Variants in RIMBP2 observed in about 807,000 individuals in gnomAD.
RIMBP2 encodes RIMS-binding protein 2.
Under a neutral mutation model 118.6 loss-of-function variants are expected in RIMBP2, and 48 were observed. The ratio of observed to expected loss-of-function variants is 0.40; its 90% CI spans 0.32 to 0.51. RIMBP2 has a LOEUF of 0.51. Ranked by LOEUF, RIMBP2 falls within the 20% of genes least tolerant of loss-of-function variation. The probability of loss-of-function intolerance (pLI) is 0.41; values close to 1 mark genes in which losing one functional copy is unlikely to be tolerated. For missense variants in RIMBP2, 1,551 were observed against 1,768.3 expected (o/e 0.88, Z 2.20); for synonymous variants, 762 against 742.9 (o/e 1.03, Z -0.42).
intron 2 of RIMBP2, among the ~76,000 whole-genome samples, chr12:130,566,023 C>A (rs116753851): frequency 2.6e-5 from 4 of 152,204 alleles, no homozygotes; most frequent in African/African-American, 4.8e-5. Flanking sequence ...GAGAACTATG[C>A]GATGGAACTT....
intron 2 of RIMBP2, among the ~76,000 whole-genome samples, chr12:130,530,939 C>T (rs1299317174): frequency 6.6e-6 from 1 of 152,200 alleles, no homozygotes; most frequent in Admixed American, 6.5e-5. Flanking sequence ...ACAAATTGAG[C>T]AGCTCTTCAT....
chr12:130,662,802 A>G (rs923407777), intron 1 of RIMBP2, among the ~76,000 whole-genome samples: 1 of 151,986 alleles, frequency 6.6e-6, no homozygotes, highest in Non-Finnish European at 1.5e-5. Flanking sequence ...CCCCACAAAG[A>G]AAAAATAGCT....
intron 9 of RIMBP2, among the ~76,000 whole-genome samples, chr12:130,448,445 C>T (rs1399437119): frequency 6.6e-6 from 1 of 152,226 alleles, no homozygotes; most frequent in Non-Finnish European, 1.5e-5. Context: ...GGAAGGAAGG[C>T]GTCTGTGGCA....
intron 12 of RIMBP2, 30 bp downstream of exon 12, chr12:130,438,335 A>ACGGGGGCCCCCCCCCCC: frequency 3.5e-6 from 3 of 865,012 alleles, no homozygotes; most frequent in East Asian, 2.8e-5. Flanking sequence ...GGCCTAACAA[A>ACGGGGGCCCCCCCCCCC]CCCTCCCCAC....
chr12:130,400,386 T>C (rs1016739930), intron 21 of RIMBP2, among the ~76,000 whole-genome samples: 8 of 152,216 alleles, frequency 5.3e-5, no homozygotes, highest in Non-Finnish European at 1.0e-4. Context: ...CCTCAGACAT[T>C]ACTGCTTCAG....
chr12:130,534,447 A>G (rs2139410016), intron 2 of RIMBP2, among the ~76,000 whole-genome samples: 1 of 152,308 alleles, frequency 6.6e-6, no homozygotes, highest in East Asian at 1.9e-4. Flanking sequence ...CTCCATCTCT[A>G]GTAAAACAAG....
At chr12:130,470,370 C>T (rs925957254) in intron 6 of RIMBP2, 9 of 282,264 alleles carry the variant, frequency 3.2e-5, no homozygotes, top group South Asian at 1.7e-4. Flanking sequence ...GAGTGAGCCA[C>T]GCCCCCTCAC....
At chr12:130,455,358 C>A (rs1026781469) in intron 7 of RIMBP2, among the ~76,000 whole-genome samples, 1 of 152,130 alleles carries the variant, frequency 6.6e-6, no homozygotes, top group Admixed American at 6.5e-5. Flanking sequence ...TCAGAGGCTC[C>A]CCACGTATCG....
At chr12:130,579,133 C>T (rs537979382) in intron 2 of RIMBP2, among the ~76,000 whole-genome samples, 2 of 152,204 alleles carry the variant, frequency 1.3e-5, no homozygotes, top group African/African-American at 2.4e-5. Context: ...AGAGCTCACA[C>T]GGCACGTCTG....
intron 2 of RIMBP2, among the ~76,000 whole-genome samples, chr12:130,603,594 A>G (rs1298888566): frequency 2.6e-5 from 4 of 152,230 alleles, no homozygotes; most frequent in Non-Finnish European, 5.9e-5. Context: ...AAGTACAGGC[A>G]TAAGATACAC....
At chr12:130,501,270 G>T (rs2049747511) in intron 4 of RIMBP2, among the ~76,000 whole-genome samples, 1 of 151,970 alleles carries the variant, frequency 6.6e-6, no homozygotes, top group Non-Finnish European at 1.5e-5. Context: ...TCCCAGTGGG[G>T]TCCCTGCTTC....
intron 2 of RIMBP2, among the ~76,000 whole-genome samples, chr12:130,554,852 G>A (rs926063769): frequency 1.5e-4 from 23 of 152,264 alleles, no homozygotes; most frequent in Middle Eastern, 3.4e-3. Context: ...TTTGTTCAAA[G>A]TTCTAAAGAA....
chr12:130,455,114 C>T (rs919094933), intron 7 of RIMBP2, among the ~76,000 whole-genome samples: 8 of 152,276 alleles, frequency 5.3e-5, no homozygotes, highest in African/African-American at 1.4e-4. Flanking sequence ...AGAAGCCGTG[C>T]GTTTCTTGTC....
chr12:130,618,955 A>G (rs1342421797), intron 2 of RIMBP2, among the ~76,000 whole-genome samples: 1 of 152,156 alleles, frequency 6.6e-6, no homozygotes, highest in Non-Finnish European at 1.5e-5. Flanking sequence ...TTCATCACAA[A>G]TGGGTCTTTA....
chr12:130,548,067 G>C (rs1393524946), intron 2 of RIMBP2, among the ~76,000 whole-genome samples: 1 of 152,160 alleles, frequency 6.6e-6, no homozygotes. Context: ...GACTGACCAT[G>C]ATCCAAAGAC....
intron 4 of RIMBP2, among the ~76,000 whole-genome samples, chr12:130,499,903 G>A (rs1773909666): frequency 6.6e-6 from 1 of 152,138 alleles, no homozygotes; most frequent in Non-Finnish European, 1.5e-5. Context: ...CAATATTTTT[G>A]AATGAATATA....
At chr12:130,669,150 G>A (rs1416100352) in intron 1 of RIMBP2, 1 of 152,410 alleles carries the variant, frequency 6.6e-6, no homozygotes, top group East Asian at 1.9e-4. Context: ...GCCCAAACCA[G>A]GGCACAGGGG....
At chr12:130,425,942 T>C (rs4759463) in intron 15 of RIMBP2, 30,970 of 152,374 alleles carry the variant, frequency 0.2, 3,671 homozygotes, top group East Asian at 0.45. Flanking sequence ...ACAAGCCAGG[T>C]GAGGAGGCAT....
intron 2 of RIMBP2, among the ~76,000 whole-genome samples, chr12:130,532,291 G>T (rs1325391134): frequency 2.4e-4 from 33 of 139,896 alleles, no homozygotes; most frequent in African/African-American, 8.5e-4. Context: ...CCTCTAGGAG[G>T]TACATCTAAT....
Sources: allele counts gnomAD v4.1 joint callset (sites outside exome capture counted in the v4.1 genomes callset), GRCh38; gene constraint gnomAD v4.1.1; transcripts MANE v1.5; gene names NCBI Gene and HGNC (gene_info 2026-07-23, HGNC 2026-07-21).